The following SEMA4D variants were observed in gnomAD, a reference collection of about 807,000 sequenced individuals.
SEMA4D encodes semaphorin-4D.
SEMA4D carries 22 observed loss-of-function variants against 74.8 expected under a neutral mutation model. The ratio of observed to expected loss-of-function variants is 0.29; its 90% CI spans 0.21 to 0.42. SEMA4D has a LOEUF of 0.42. Among genes scored for constraint, SEMA4D ranks in the 10% least tolerant of loss-of-function variants. The pLI is 1.00. For missense variants in SEMA4D, 937 were observed against 1,118.4 expected, an observed-to-expected ratio of 0.84 and a Z score of 2.31; for synonymous variants, 445 against 463.7, an observed-to-expected ratio of 0.96 and a Z score of 0.52.
chr9:89,444,421 T>C (rs1852349494), intron 2 of SEMA4D, among the ~76,000 whole-genome samples: 1 of 152,212 alleles, frequency 6.6e-6, no homozygotes, highest in African/African-American at 2.4e-5. Flanking sequence ...TATCAGCACT[T>C]GCTCTGCAGC....
At chr9:89,379,998 G>C (rs911530214) in intron 15 of SEMA4D, among the ~76,000 whole-genome samples, 1 of 152,204 alleles carries the variant, frequency 6.6e-6, no homozygotes, top group East Asian at 1.9e-4. Flanking sequence ...TGGCCTTTCA[G>C]TGCATCTCAG....
chr9:89,427,940 G>C (rs1261197786), intron 2 of SEMA4D, among the ~76,000 whole-genome samples: 1 of 152,168 alleles, frequency 6.6e-6, no homozygotes, highest in African/African-American at 2.4e-5. Context: ...TCTGTCTCTC[G>C]TAGGGCCCAG....
intron 2 of SEMA4D, 99 bp from the exon 3 acceptor site, chr9:89,405,798 G>A: frequency 7.7e-7 from 1 of 1,304,260 alleles, no homozygotes; most frequent in Admixed American, 3.6e-5. Flanking sequence ...TCCTCACCCG[G>A]GTCCATCTGC....
In SEMA4D at chr9:89,378,028, A is replaced by G. The variant is rs1836130596; in HGVS notation, c.*676T>C. 6.6e-6 allele frequency: 1 copy of G among 152,550 alleles called. No homozygotes were observed. 9.4% of individuals were successfully genotyped at this position (152,550 alleles called of 1,614,324 possible). ...GGCTCCGGGGAGTGTTTATGTCTAC[A>G]TTTCTAAAAGCAGAAAGAATGCATT... On this transcript the variant is annotated 3_prime_UTR_variant, in exon 16 of 16. Coordinates refer to ENST00000422704, the MANE Select transcript of SEMA4D (RefSeq NM_001371194.2).
chr9:89,496,380 T>C (rs1164034678), intron 1 of SEMA4D, among the ~76,000 whole-genome samples: 1 of 152,102 alleles, frequency 6.6e-6, no homozygotes, highest in Non-Finnish European at 1.5e-5. Context: ...AGTTCCACCG[T>C]CTACCAACTC....
intron 2 of SEMA4D, among the ~76,000 whole-genome samples, chr9:89,446,147 G>A (rs1400151415): frequency 6.6e-6 from 1 of 152,054 alleles, no homozygotes; most frequent in Non-Finnish European, 1.5e-5. Flanking sequence ...GGCACCCGAG[G>A]CCCAGCCCAA....
intron 9 of SEMA4D, among the ~76,000 whole-genome samples, 174 bp downstream of exon 9, chr9:89,391,090 C>G (rs1839760842): frequency 6.6e-6 from 1 of 152,236 alleles, no homozygotes; most frequent in Non-Finnish European, 1.5e-5. Context: ...GGCCAGCACT[C>G]CCTCAGTCCC....
chr9:89,490,030 CT>C (rs895924919), intron 1 of SEMA4D, among the ~76,000 whole-genome samples: 698 of 144,460 alleles, frequency 4.8e-3, no homozygotes, highest in Non-Finnish European at 5.2e-3. Context: ...CTCCACCCTC[CT>C]TTTTTTTTTT....
chr9:89,458,109 G>A (rs1398693284), intron 1 of SEMA4D, among the ~76,000 whole-genome samples: 2 of 152,166 alleles, frequency 1.3e-5, no homozygotes, highest in African/African-American at 4.8e-5. Flanking sequence ...GCCCAAGACA[G>A]AATAAAAAGG....
intron 2 of SEMA4D, chr9:89,450,665 A>AAAAAAAAAAAAAAAAC (rs1854225885): frequency 8.3e-6 from 1 of 121,098 alleles, no homozygotes; most frequent in African/African-American, 1.4e-4. Flanking sequence ...CCCAGGAAAA[A>AAAAAAAAAAAAAAAAC]AAAAAAAAAA....
intron 1 of SEMA4D, among the ~76,000 whole-genome samples, chr9:89,495,923 T>G (rs1285760331): frequency 6.6e-6 from 1 of 152,222 alleles, no homozygotes; most frequent in East Asian, 1.9e-4. Flanking sequence ...TTTGCTGTTG[T>G]GCTGTCAGCA....
intron 2 of SEMA4D, among the ~76,000 whole-genome samples, chr9:89,413,525 T>A (rs1844988332): frequency 6.6e-6 from 1 of 152,262 alleles, no homozygotes; most frequent in African/African-American, 2.4e-5. Flanking sequence ...TGAACCCGCA[T>A]AGATATGTGC....
At chr9:89,448,244 G>A (rs1853458506) in intron 2 of SEMA4D, among the ~76,000 whole-genome samples, 1 of 152,172 alleles carries the variant, frequency 6.6e-6, no homozygotes. Context: ...TCAAAGTGCT[G>A]GGATTTACAA....
At chr9:89,491,847 C>A (rs554018836) in intron 1 of SEMA4D, among the ~76,000 whole-genome samples, 2 of 152,308 alleles carry the variant, frequency 1.3e-5, no homozygotes, top group African/African-American at 2.4e-5. Flanking sequence ...AGCGATGGGA[C>A]AGCCCCATGC....
chr9:89,474,367 A>G (rs1861241566), intron 1 of SEMA4D, among the ~76,000 whole-genome samples: 1 of 127,480 alleles, frequency 7.8e-6, no homozygotes, highest in Admixed American at 7.7e-5. Flanking sequence ...AAATAAGAAC[A>G]TCACAAAGAT....
At chr9:89,419,482 C>G (rs1468460249) in intron 2 of SEMA4D, among the ~76,000 whole-genome samples, 2 of 152,292 alleles carry the variant, frequency 1.3e-5, no homozygotes, top group African/African-American at 4.8e-5. Flanking sequence ...TTCCACGAGG[C>G]CTTCCTGTCA....
At chr9:89,363,624 A>T (rs13297725) in intron 17 of SEMA4D, 524,208 of 1,589,822 alleles carry the variant, frequency 0.33, 89,390 homozygotes, top group Admixed American at 0.51. Context: ...AGCCAATAAA[A>T]CCCAAACCCA....
intron 2 of SEMA4D, among the ~76,000 whole-genome samples, chr9:89,410,569 A>T (rs1239936478): frequency 6.6e-6 from 1 of 152,228 alleles, no homozygotes; most frequent in Non-Finnish European, 1.5e-5. Flanking sequence ...CACGTAGCAG[A>T]GATGAAAAAA....
intron 1 of SEMA4D, among the ~76,000 whole-genome samples, chr9:89,496,887 G>C (rs1826060660): frequency 6.6e-6 from 1 of 152,226 alleles, no homozygotes; most frequent in Non-Finnish European, 1.5e-5. Context: ...AAAAGACTCA[G>C]AACAGCAGGG....
Sources: gnomAD v4.1 joint callset for allele counts (sites outside exome capture counted in the v4.1 genomes callset) on GRCh38, gnomAD v4.1.1 for gene constraint, MANE v1.5 for transcripts, NCBI Gene and HGNC (gene_info 2026-07-23, HGNC 2026-07-21) for gene names.